The following PCED1B variants were observed in gnomAD, a reference collection of about 807,000 sequenced individuals.
PCED1B encodes PC-esterase domain containing 1B.
For missense variants in PCED1B, 573 were observed against 573.9 expected, an observed-to-expected ratio of 1.00 and a Z score of 0.02; for synonymous variants, 251 against 246.1, an observed-to-expected ratio of 1.02 and a Z score of -0.19.
At chr12:47,114,825 A>G (rs1221202347) in intron 2 of PCED1B, among the ~76,000 whole-genome samples, 2 of 152,190 alleles carry the variant, frequency 1.3e-5, no homozygotes, top group Non-Finnish European at 2.9e-5. Context: ...TTACTTCATG[A>G]CACAGCACGT....
chr12:47,161,132 TAAGTC>T (rs1434112894), intron 2 of PCED1B, among the ~76,000 whole-genome samples: 2 of 152,234 alleles, frequency 1.3e-5, no homozygotes, highest in Non-Finnish European at 2.9e-5. Context: ...AACCATGAGC[TAAGTC>T]AACTTTTCTT....
At chr12:47,220,952 G>A (rs945484526) in intron 3 of PCED1B, among the ~76,000 whole-genome samples, 1 of 152,084 alleles carries the variant, frequency 6.6e-6, no homozygotes, top group East Asian at 1.9e-4. Context: ...AAACCCTATG[G>A]TTCCCTGCGG....
intron 1 of PCED1B, among the ~76,000 whole-genome samples, chr12:47,089,497 T>TATATATATATATATATAC (rs1938170076): frequency 1.6e-5 from 2 of 128,010 alleles, no homozygotes. Flanking sequence ...TATATATGTA[T>TATATATATATATATATAC]ATACCAAAAA....
chr12:47,169,874 T>C (rs1941665267), intron 2 of PCED1B, among the ~76,000 whole-genome samples: 2 of 150,576 alleles, frequency 1.3e-5, no homozygotes, highest in Non-Finnish European at 2.9e-5. Context: ...AAAAAGTTCT[T>C]TTTATCATTG....
chr12:47,231,457 C>T (rs1943805562), intron 3 of PCED1B, among the ~76,000 whole-genome samples: 1 of 152,050 alleles, frequency 6.6e-6, no homozygotes, highest in South Asian at 2.1e-4. Context: ...ATTTATACAG[C>T]TCCATTGCAG....
intron 2 of PCED1B, among the ~76,000 whole-genome samples, chr12:47,169,726 A>T (rs1269419991): frequency 1.3e-5 from 2 of 151,984 alleles, no homozygotes; most frequent in Non-Finnish European, 2.9e-5. Context: ...ATGGTGACTG[A>T]TGCCTGTAAT....
chr12:47,176,535 C>T (rs574570361), intron 2 of PCED1B, among the ~76,000 whole-genome samples: 8 of 152,178 alleles, frequency 5.3e-5, no homozygotes, highest in South Asian at 2.1e-4. Flanking sequence ...CCGCATGCCC[C>T]GTACCTTGTC....
At chr12:47,217,522 A>G (rs534773420) in intron 3 of PCED1B, among the ~76,000 whole-genome samples, 1 of 123,836 alleles carries the variant, frequency 8.1e-6, no homozygotes, top group East Asian at 2.5e-4. Flanking sequence ...GAAAGAAGAA[A>G]GAGAAAGAGA....
chr12:47,094,181 T>G (rs1938379148), intron 1 of PCED1B, among the ~76,000 whole-genome samples: 1 of 152,162 alleles, frequency 6.6e-6, no homozygotes, highest in Non-Finnish European at 1.5e-5. Flanking sequence ...AATTATGAAC[T>G]GTCTCACTTT....
chr12:47,129,475 C>A (rs536767494), intron 2 of PCED1B, among the ~76,000 whole-genome samples: 3 of 151,900 alleles, frequency 2.0e-5, no homozygotes, highest in East Asian at 1.9e-4. Flanking sequence ...GGTGGCAGAG[C>A]GAGACCCTGT....
intron 3 of PCED1B, among the ~76,000 whole-genome samples, 172 bp downstream of exon 3, chr12:47,216,861 A>T (rs958844394): frequency 3.9e-5 from 6 of 152,224 alleles, no homozygotes; most frequent in Non-Finnish European, 7.3e-5. Context: ...CTTGGCAATA[A>T]CAAAAATATT....
chr12:47,100,650 G>T (rs1228742904), intron 1 of PCED1B, among the ~76,000 whole-genome samples: 1 of 152,156 alleles, frequency 6.6e-6, no homozygotes, highest in African/African-American at 2.4e-5. Flanking sequence ...TAAATATAAA[G>T]TCTAGAAAAA....
intron 2 of PCED1B, among the ~76,000 whole-genome samples, chr12:47,183,185 C>T (rs1942150385): frequency 2.0e-5 from 3 of 152,098 alleles, no homozygotes; most frequent in Admixed American, 1.3e-4. Context: ...AAATAGAGTG[C>T]TACAATTCAG....
At chr12:47,205,549 A>T (rs1217272916) in intron 2 of PCED1B, among the ~76,000 whole-genome samples, 1 of 152,208 alleles carries the variant, frequency 6.6e-6, no homozygotes. Flanking sequence ...GTTCCTGCCA[A>T]AGTTAGTTCA....
chr12:47,084,485 C>T (rs1448900234), intron 1 of PCED1B, among the ~76,000 whole-genome samples: 1 of 152,234 alleles, frequency 6.6e-6, no homozygotes, highest in African/African-American at 2.4e-5. Context: ...TTTCTCTCAG[C>T]CCCTGGCAAC....
intron 2 of PCED1B, among the ~76,000 whole-genome samples, chr12:47,168,126 C>A (rs1236460500): frequency 6.6e-6 from 1 of 152,194 alleles, no homozygotes; most frequent in Non-Finnish European, 1.5e-5. Flanking sequence ...GTACCAGTTC[C>A]ATATGAATTA....
intron 3 of PCED1B, among the ~76,000 whole-genome samples, chr12:47,229,447 A>T (rs1021275032): frequency 1.3e-5 from 2 of 151,810 alleles, no homozygotes; most frequent in African/African-American, 4.8e-5. Flanking sequence ...AATAAAAAAC[A>T]CTCAAAAGTG....
chr12:47,125,294 G>C (rs1206820133), intron 2 of PCED1B, among the ~76,000 whole-genome samples: 1 of 151,298 alleles, frequency 6.6e-6, no homozygotes, highest in South Asian at 2.1e-4. Flanking sequence ...AATTCCCTTT[G>C]TACCCCTGCA....
intron 2 of PCED1B, among the ~76,000 whole-genome samples, chr12:47,177,333 C>A (rs1454714629): frequency 6.6e-6 from 1 of 152,196 alleles, no homozygotes; most frequent in African/African-American, 2.4e-5. Flanking sequence ...GGTTTTATTT[C>A]ATCATTGGCG....
Sources: gnomAD v4.1 joint callset for allele counts (sites outside exome capture counted in the v4.1 genomes callset) on GRCh38, gnomAD v4.1.1 for gene constraint, MANE v1.5 for transcripts, NCBI Gene and HGNC (gene_info 2026-07-23, HGNC 2026-07-21) for gene names.